The following ADAM32 variants were observed in gnomAD, a reference collection of about 807,000 sequenced individuals.
ADAM32 encodes the protein disintegrin and metalloproteinase domain-containing protein 32.
Under a neutral mutation model 114.9 loss-of-function variants are expected in ADAM32, and 89 were observed. The observed-to-expected ratio is 0.77, with a 90% CI of 0.65 to 0.92. The LOEUF is 0.92. Among genes scored for constraint, ADAM32 ranks in the 40% least tolerant of loss-of-function variants. The probability of loss-of-function intolerance (pLI) is 0.00; values close to 1 mark genes in which losing one functional copy is unlikely to be tolerated. For missense variants in ADAM32, 870 were observed against 932.8 expected (o/e 0.93, Z 0.88); for synonymous variants, 285 against 307.5 (o/e 0.93, Z 0.77).
chr8:39,214,227 G>T (rs1185953990), intron 12 of ADAM32, among the ~76,000 whole-genome samples: 3 of 152,048 alleles, frequency 2.0e-5, no homozygotes, highest in African/African-American at 7.2e-5. Context: ...TAGATCATAT[G>T]GTAGCTCTAT....
At chr8:39,274,242 G>C in intron 20 of ADAM32, 70 bp from the exon 21 acceptor site, 1 of 1,456,928 alleles carries the variant, frequency 6.9e-7, no homozygotes, top group Non-Finnish European at 9.6e-7. Context: ...AAAATGGCCT[G>C]ATTTTCATTC....
Position 39,160,964 on chromosome 8 carries a change from T to C in ADAM32, c.593T>C (p.Leu198Ser), listed in dbSNP as rs370655802. The change falls in exon 7 of 25, where the codon TTG (leucine) becomes TCG (serine). Residue 198 changes from leucine to serine, a missense_variant and splice_region_variant. Coordinates refer to ENST00000379907, the MANE Select transcript of ADAM32 (RefSeq NM_145004.7). Reference sequence around the variant, plus strand: ...ATGCATATTGTGGTGGACAAAACTTTGGTATGTGTTTTGCTTTTTCTTTGC... The same window carrying C: ...ATGCATATTGTGGTGGACAAAACTTCGGTATGTGTTTTGCTTTTTCTTTGC... ...LEMHIVVDKTLYDYWGSDSMI... is the reference protein window; with the variant it reads ...LEMHIVVDKTSYDYWGSDSMI... 6.9e-6 allele frequency: 11 copies of C among 1,586,012 alleles called. No individual in the cohort carries two copies. Among genetic ancestry groups the C allele is most frequent in the South Asian group, 3.6e-5 (3 of 84,350 alleles).
chr8:39,154,243 T>C (rs925984378), intron 6 of ADAM32, among the ~76,000 whole-genome samples: 3 of 151,698 alleles, frequency 2.0e-5, no homozygotes, highest in African/African-American at 7.3e-5. Flanking sequence ...CCTGTGTCCA[T>C]GTGTTCTCAT....
chr8:39,139,468 A>G (rs866715129), intron 3 of ADAM32, among the ~76,000 whole-genome samples: 151 of 152,230 alleles, frequency 9.9e-4, no homozygotes, highest in African/African-American at 3.5e-3. Context: ...CAGGTTTGTC[A>G]AAGATCAGAT....
At chr8:39,134,049 G>A (rs1169683486) in intron 2 of ADAM32, among the ~76,000 whole-genome samples, 1 of 152,136 alleles carries the variant, frequency 6.6e-6, no homozygotes, top group Non-Finnish European at 1.5e-5. Context: ...TGGGGTGTAG[G>A]ACATTGTGTG....
chr8:39,277,924 A>G (rs1323895191), intron 22 of ADAM32, among the ~76,000 whole-genome samples: 2 of 152,232 alleles, frequency 1.3e-5, no homozygotes, highest in African/African-American at 2.4e-5. Flanking sequence ...GATCTCCACC[A>G]GTGAGGGCGA....
chr8:39,221,764 C>T, intron 13 of ADAM32, 62 bp downstream of exon 13: 1 of 1,118,158 alleles, frequency 8.9e-7, no homozygotes, highest in East Asian at 2.5e-5. Flanking sequence ...GGGTACTTTA[C>T]AACACAGACC....
chr8:39,223,287 A>G, intron 14 of ADAM32, 49 bp downstream of exon 14: 1 of 1,281,234 alleles, frequency 7.8e-7, no homozygotes, highest in African/African-American at 1.5e-5. Context: ...TGTTATTAAC[A>G]TTACCAGGAT....
At chr8:39,159,178 G>T (rs763567302) in intron 6 of ADAM32, among the ~76,000 whole-genome samples, 2 of 152,176 alleles carry the variant, frequency 1.3e-5, no homozygotes, top group African/African-American at 2.4e-5. Context: ...GTTACTGCTT[G>T]TTGTGGGTTG....
chr8:39,191,503 G>A (rs56018942), intron 11 of ADAM32, among the ~76,000 whole-genome samples: 32,177 of 152,106 alleles, frequency 0.21, 4,338 homozygotes, highest in Non-Finnish European at 0.28. Context: ...CAAATAATCA[G>A]TGGTATGGAG....
At chr8:39,179,669 A>G (rs1805730395) in intron 10 of ADAM32, among the ~76,000 whole-genome samples, 1 of 151,832 alleles carries the variant, frequency 6.6e-6, no homozygotes, top group South Asian at 2.1e-4. Context: ...ATCACTCATC[A>G]CTTCCCTTAG....
intron 10 of ADAM32, among the ~76,000 whole-genome samples, chr8:39,174,052 T>C (rs1283551501): frequency 6.6e-6 from 1 of 152,256 alleles, no homozygotes; most frequent in East Asian, 1.9e-4. Flanking sequence ...CTCCAACTCC[T>C]GTCCTCATGT....
At chr8:39,211,867 T>C (rs1808243797) in intron 12 of ADAM32, among the ~76,000 whole-genome samples, 1 of 152,216 alleles carries the variant, frequency 6.6e-6, no homozygotes, top group Non-Finnish European at 1.5e-5. Flanking sequence ...ATTTCCTTGG[T>C]TACAAGGTAG....
intron 3 of ADAM32, among the ~76,000 whole-genome samples, chr8:39,143,862 G>A (rs1314121878): frequency 6.6e-6 from 1 of 152,176 alleles, no homozygotes; most frequent in Non-Finnish European, 1.5e-5. Context: ...CTGTGGTGGG[G>A]TCTGCCCAGT....
chr8:39,274,232 A>T, intron 20 of ADAM32, 80 bp from the exon 21 acceptor site: 1 of 1,337,588 alleles, frequency 7.5e-7, no homozygotes, highest in Non-Finnish European at 1.1e-6. Context: ...TACTAATTAT[A>T]AAATGGCCTG....
chr8:39,118,053 G>C, intron 1 of ADAM32, 33 bp from the exon 2 acceptor site: 1 of 1,272,802 alleles, frequency 7.9e-7, no homozygotes, highest in Admixed American at 3.1e-5. Context: ...TTAAGGCAAG[G>C]TTACTAACTT....
Position 39,232,094 on chromosome 8 carries a change from TG to T in ADAM32, c.1595del (p.Gly532ValfsTer21). On this transcript the variant is annotated frameshift_variant, in exon 15 of 25. Coordinates refer to ENST00000379907, the MANE Select transcript of ADAM32 (RefSeq NM_145004.7). LOFTEE classifies it high-confidence loss of function. ...QSQSDRFGNC[G>X]RDRNNKYVFC... Reference sequence around the variant, plus strand: ...CTCAATCAGACAGATTTGGGAACTGTGGTAGGGATAGAAATAACAAATATGT... The same window carrying T: ...CTCAATCAGACAGATTTGGGAACTGTGTAGGGATAGAAATAACAAATATGT... 1 of 1,611,932 alleles carries T rather than the reference TG, an allele frequency of 6.2e-7. No homozygotes were observed.
chr8:39,234,020 T>A lies in ADAM32; in HGVS notation c.1756T>A (p.Leu586Met), dbSNP rs1809933498. Residue 586 changes from leucine to methionine, a missense_variant, in exon 16 of 25, where the codon TTG becomes ATG. Coordinates refer to ENST00000379907, the MANE Select transcript of ADAM32 (RefSeq NM_145004.7). ...TGTATGCATAACTGTAGACTACAAA[T>A]TGCCTCGAACAGTTCCAGATCCACT... ...DSVCITVDYKLPRTVPDPLAV... is the reference protein window; with the variant it reads ...DSVCITVDYKMPRTVPDPLAV... 9 of 1,545,830 alleles carry A rather than the reference T, an allele frequency of 5.8e-6. No homozygotes were observed. Among genetic ancestry groups the A allele is most frequent in the Non-Finnish European group, 7.9e-6 (9 of 1,142,998 alleles).
intron 19 of ADAM32, among the ~76,000 whole-genome samples, chr8:39,269,290 GC>G (rs1350418812): frequency 6.6e-6 from 1 of 152,184 alleles, no homozygotes; most frequent in East Asian, 1.9e-4. Flanking sequence ...CAATCATAGA[GC>G]TCACCTTGTT....
Sources: gnomAD v4.1 joint callset for allele counts (sites outside exome capture counted in the v4.1 genomes callset) on GRCh38, gnomAD v4.1.1 for gene constraint, MANE v1.5 for transcripts, NCBI Gene and HGNC (gene_info 2026-07-23, HGNC 2026-07-21) for gene names.